SLC4A1AP: variants seen among roughly 807,000 people sequenced by gnomAD.
SLC4A1AP encodes the protein kanadaptin.
Under a neutral mutation model 89.7 loss-of-function variants are expected in SLC4A1AP, and 64 were observed. The observed-to-expected ratio is 0.71, with a 90% CI of 0.58 to 0.88. SLC4A1AP has a LOEUF of 0.88. Ranked by LOEUF, SLC4A1AP falls within the 40% of genes least tolerant of loss-of-function variation. The pLI is 0.00. For synonymous variants in SLC4A1AP, 366 were observed against 353.3 expected (o/e 1.04, Z -0.40); for missense variants, 931 against 965.0 (o/e 0.96, Z 0.47).
intron 3 of SLC4A1AP, chr2:27,668,611 G>C: frequency 1.5e-6 from 1 of 666,488 alleles, no homozygotes; most frequent in East Asian, 2.9e-5. Flanking sequence ...CATCATGCCC[G>C]GCTAATTTCT....
intron 13 of SLC4A1AP, among the ~76,000 whole-genome samples, 163 bp downstream of exon 13, chr2:27,693,917 T>A (rs1444067290): frequency 6.6e-6 from 1 of 152,210 alleles, no homozygotes; most frequent in Non-Finnish European, 1.5e-5. Flanking sequence ...TTTAAAAAAA[T>A]TATTAGCCAG....
At chr2:27,683,160 C>T (rs1048112248) in intron 9 of SLC4A1AP, among the ~76,000 whole-genome samples, 1 of 152,182 alleles carries the variant, frequency 6.6e-6, no homozygotes, top group Non-Finnish European at 1.5e-5. Flanking sequence ...CAGATCACAC[C>T]AGCGTTATGT....
chr2:27,676,945 C>G (rs193186903), intron 6 of SLC4A1AP, among the ~76,000 whole-genome samples: 1 of 151,790 alleles, frequency 6.6e-6, no homozygotes, highest in African/African-American at 2.4e-5. Flanking sequence ...TTGAGACCAT[C>G]CTGGCCAACA....
At chr2:27,669,155 T>TAA in intron 4 of SLC4A1AP, 93 bp from the exon 5 acceptor site, 7 of 1,179,114 alleles carry the variant, frequency 5.9e-6, no homozygotes, top group African/African-American at 3.1e-5. Context: ...AAAGGCCATC[T>TAA]AAAAAAAAAA....
At chr2:27,692,266 T>G (rs1675800267) in intron 12 of SLC4A1AP, 1 of 152,250 alleles carries the variant, frequency 6.6e-6, no homozygotes, top group African/African-American at 2.4e-5. Context: ...CAAAAATCAT[T>G]TAGAAGCAGA....
rs371381030 is a variant in SLC4A1AP, at chr2:27,685,292, C to T, written c.2116+15C>T. ...CCAAACCCATGGTAATATCTTTCTTCTCCTTCCTGTGTTGTTCAGTGGGCA... is the reference window on the plus strand; with the variant it reads ...CCAAACCCATGGTAATATCTTTCTTTTCCTTCCTGTGTTGTTCAGTGGGCA... On this transcript the variant is annotated intron_variant, in intron 10 of 13. Coordinates refer to ENST00000613058, the Ensembl canonical transcript of SLC4A1AP. The T allele has an allele frequency of 3.8e-4, 612 of 1,598,712 alleles. 2 individuals carry two copies. Among genetic ancestry groups the T allele is most frequent in the Non-Finnish European group, 5.1e-4 (603 of 1,174,500 alleles).
intron 9 of SLC4A1AP, among the ~76,000 whole-genome samples, chr2:27,684,223 C>T (rs1380354418): frequency 6.6e-6 from 1 of 151,890 alleles, no homozygotes; most frequent in Non-Finnish European, 1.5e-5. Flanking sequence ...GCTCACTAGT[C>T]GAGACCAGCC....
intron 12 of SLC4A1AP, chr2:27,693,003 C>T (rs761017656): frequency 1.3e-5 from 2 of 152,164 alleles, no homozygotes; most frequent in Non-Finnish European, 2.9e-5. Flanking sequence ...GTGGTGTGAT[C>T]TCAGCTCACT....
exon 8 of SLC4A1AP, chr2:27,677,772 T>C (rs780662759): frequency 5.8e-5 from 93 of 1,611,184 alleles, no homozygotes; most frequent in Non-Finnish European, 7.7e-5. Flanking sequence ...ATTCTTTAGA[T>C]GCGTTCATGT....
At chr2:27,682,457 T>G in intron 9 of SLC4A1AP, 98 bp downstream of exon 9, 1 of 688,548 alleles carries the variant, frequency 1.5e-6, no homozygotes, top group South Asian at 1.9e-5. Context: ...ACTCATTCCA[T>G]AGTAATGTGA....
At chr2:27,692,291 T>C (rs1675800331) in intron 12 of SLC4A1AP, 1 of 152,214 alleles carries the variant, frequency 6.6e-6, no homozygotes, top group Non-Finnish European at 1.5e-5. Context: ...TTAATTTCCA[T>C]GTATTTGTAT....
chr2:27,685,052 C>A, exon 10 of SLC4A1AP: 2 of 1,604,136 alleles, frequency 1.2e-6, no homozygotes, highest in Non-Finnish European at 1.7e-6. Context: ...ACCCCCCAAG[C>A]GTCCAGAACT....
exon 10 of SLC4A1AP, chr2:27,685,044 C>G: frequency 6.3e-7 from 1 of 1,598,112 alleles, no homozygotes; most frequent in Non-Finnish European, 8.5e-7. Context: ...TAGAAGTTAC[C>G]CCCCAAGCGT....
intron 5 of SLC4A1AP, among the ~76,000 whole-genome samples, chr2:27,671,739 GA>G (rs1675429994): frequency 6.6e-6 from 1 of 152,174 alleles, no homozygotes; most frequent in Non-Finnish European, 1.5e-5. Context: ...ACTTTTAGCA[GA>G]TTAAAAAGCT....
At chr2:27,693,321 T>G (rs1221084142) in intron 12 of SLC4A1AP, 1 of 185,388 alleles carries the variant, frequency 5.4e-6, no homozygotes. Context: ...ACAGTCATCA[T>G]GTTGATTGTT....
chr2:27,668,293 C>T (rs1286054757), intron 3 of SLC4A1AP, among the ~76,000 whole-genome samples: 4 of 152,068 alleles, frequency 2.6e-5, no homozygotes, highest in East Asian at 1.9e-4. Flanking sequence ...GGACTACAGG[C>T]GCCCGCCACC....
At chr2:27,677,087 C>T (rs947968595) in intron 6 of SLC4A1AP, among the ~76,000 whole-genome samples, 6 of 151,840 alleles carry the variant, frequency 4.0e-5, no homozygotes, top group African/African-American at 1.5e-4. Context: ...GGCAGAGAGC[C>T]GAGATTGCAC....
chr2:27,682,352 C>T, exon 9 of SLC4A1AP: 1 of 1,602,378 alleles, frequency 6.2e-7, no homozygotes. Flanking sequence ...AAAACTGGAA[C>T]AGTAGGGGTA....
At chr2:27,670,579 G>A (rs189753152) in intron 5 of SLC4A1AP, among the ~76,000 whole-genome samples, 117 of 151,706 alleles carry the variant, frequency 7.7e-4, no homozygotes, top group Admixed American at 9.2e-4. Context: ...TTTCTTGGCC[G>A]GGCGCGGTTG....
Sources: gnomAD v4.1 joint callset for allele counts (sites outside exome capture counted in the v4.1 genomes callset) on GRCh38, gnomAD v4.1.1 for gene constraint, MANE v1.5 for transcripts, NCBI Gene and HGNC (gene_info 2026-07-23, HGNC 2026-07-21) for gene names.